The following SLC22A24 variants were observed in gnomAD, a reference collection of about 807,000 sequenced individuals.
SLC22A24 encodes steroid transmembrane transporter SLC22A24.
A neutral mutation model predicts 49.8 loss-of-function variants in SLC22A24; 53 were observed. That is an observed-to-expected ratio of 1.06 (90% CI 0.85 to 1.34). The LOEUF (loss-of-function observed/expected upper bound fraction) is 1.34, where lower values mean the gene tolerates loss of function less well. SLC22A24 is among the 40% of genes most tolerant of loss of function. The pLI, the probability that SLC22A24 is intolerant of heterozygous loss-of-function variation, is 0.00. For synonymous variants in SLC22A24, 302 were observed against 256.4 expected, an observed-to-expected ratio of 1.18 and a Z score of -1.70; for missense variants, 786 against 675.9, an observed-to-expected ratio of 1.16 and a Z score of -1.81.
chr11:63,115,319 G>A (rs1483481460), intron 4 of SLC22A24, among the ~76,000 whole-genome samples: 1 of 152,222 alleles, frequency 6.6e-6, no homozygotes, highest in East Asian at 1.9e-4. Flanking sequence ...GTCGATCTCA[G>A]ACTGCTGTGC....
chr11:63,102,854 A>C (rs4963361), intron 5 of SLC22A24, among the ~76,000 whole-genome samples: 34,526 of 151,956 alleles, frequency 0.23, 4,859 homozygotes, highest in East Asian at 0.36. Flanking sequence ...CTTGTACCTC[A>C]TGTCTCTCCC....
Position 63,081,538 on chromosome 11 carries a change from A to T in SLC22A24, c.1394+20T>A. 1 of 1,505,106 alleles carries T rather than the reference A, an allele frequency of 6.6e-7. No homozygotes were observed. The highest frequency in any genetic ancestry group is 9.1e-7 in the Non-Finnish European group (1 of 1,104,922). The allele number at this position is 1,505,106 out of a possible 1,614,324, so 93.2% of individuals were successfully genotyped here. On this transcript the variant is annotated intron_variant, in intron 8 of 9. Coordinates refer to ENST00000612278, the MANE Select transcript of SLC22A24 (RefSeq NM_001136506.2). ...TCAGAAATTTGTGTTTTGAAACCAG[A>T]TGGTCTTTAGCTCTTGTACCTCAAT...
intron 4 of SLC22A24, among the ~76,000 whole-genome samples, chr11:63,110,014 T>A (rs1270320257): frequency 7.2e-5 from 11 of 152,162 alleles, no homozygotes; most frequent in African/African-American, 2.4e-4. Context: ...CATCTTGAAT[T>A]GATTTTTGTA....
rs185441216 is a variant in SLC22A24, at chr11:63,134,685, T to C, written c.486A>G (p.Ile162Met). Reference protein sequence around the residue: ...FMAGSLLGGLIYGHLSDRVGR... With the variant: ...FMAGSLLGGLMYGHLSDRVGR... ...CTCACCTGTCTGAAAGATGGCCATA[T>C]ATTAGACCTCCCAGAAGTGACCCAG... Residue 162 changes from isoleucine (I) to methionine (M), a missense_variant, in exon 2 of 10, where the codon ATA becomes ATG. Ile to Met is a conservative substitution (Grantham distance 10). Coordinates refer to ENST00000612278, the MANE Select transcript of SLC22A24 (RefSeq NM_001136506.2). 128 of 1,550,548 alleles carry C rather than the reference T, an allele frequency of 8.3e-5. 1 individual carries two copies. The East Asian group carries it at 1.8e-3, about 22-fold the overall frequency.
intron 1 of SLC22A24, among the ~76,000 whole-genome samples, chr11:63,142,168 A>C (rs550378953): frequency 6.6e-5 from 10 of 152,322 alleles, no homozygotes; most frequent in Admixed American, 1.3e-4. Flanking sequence ...TTGGAAGCCC[A>C]TCCAGGCCTG....
chr11:63,110,205 A>G lies in SLC22A24; in HGVS notation c.831-5907T>C, dbSNP rs554142103. Among the ~76,000 whole-genome samples, 748 of 151,434 alleles carry G rather than the reference A, an allele frequency of 4.9e-3. 4 individuals are homozygous for G. Among genetic ancestry groups the G allele is most frequent in the African/African-American group, 0.017 (703 of 41,356 alleles). The stretch of plus-strand genomic sequence containing the variant: ...GGGCTCTGTTCTGTTCCATTGATCT[A>G]TATCTCTGTTTTGGTACCAGTACCA... On this transcript the variant is annotated intron_variant, in intron 4 of 9. Transcript: ENST00000612278.
chr11:63,123,446 TA>T (rs2134670576), intron 2 of SLC22A24, among the ~76,000 whole-genome samples: 1 of 152,282 alleles, frequency 6.6e-6, no homozygotes, highest in African/African-American at 2.4e-5. Flanking sequence ...ACTATGAAAA[TA>T]ATTATATGCT....
intron 1 of SLC22A24, among the ~76,000 whole-genome samples, chr11:63,141,204 C>T (rs2087413465): frequency 1.3e-5 from 2 of 152,132 alleles, no homozygotes; most frequent in African/African-American, 4.8e-5. Flanking sequence ...AAAAAACAAA[C>T]TTTAACATTA....
Position 63,081,098 on chromosome 11 carries a change from C to T in SLC22A24, c.1420G>A (p.Val474Met), listed in dbSNP as rs1188015970. The part of the protein sequence containing the change: ...LRSTVAGINA[V>M]SGRTGAALAP... ...AGTGCTGCCCCAGTCCTACCGGACA[C>T]TGCATTGATTCCTGCAACTGTTGAC... The change falls in exon 9 of 10, where the codon GTG becomes ATG. Residue 474 changes from valine (V) to methionine (M), a missense_variant. Val to Met is a conservative substitution (Grantham distance 21). Coordinates refer to ENST00000612278, the MANE Select transcript of SLC22A24 (RefSeq NM_001136506.2). 4 of 1,551,478 alleles carry T rather than the reference C, an allele frequency of 2.6e-6. No individual in the cohort carries two copies. The highest frequency in any genetic ancestry group is 3.9e-5 in the Admixed American group (2 of 50,982).
At chr11:63,128,988 C>T (rs966873862) in intron 2 of SLC22A24, among the ~76,000 whole-genome samples, 4 of 152,156 alleles carry the variant, frequency 2.6e-5, no homozygotes, top group African/African-American at 2.4e-5. Context: ...CAAATTAGAT[C>T]CCATTTGTCT....
chr11:63,111,920 T>C (rs904939916), intron 4 of SLC22A24, among the ~76,000 whole-genome samples: 167 of 152,096 alleles, frequency 1.1e-3, no homozygotes, highest in Admixed American at 3.5e-3. Context: ...CTTGCTTTTC[T>C]AGTTCTTTTA....
intron 5 of SLC22A24, among the ~76,000 whole-genome samples, chr11:63,100,647 G>A (rs1218796319): frequency 6.6e-6 from 1 of 152,074 alleles, no homozygotes; most frequent in Admixed American, 6.6e-5. Flanking sequence ...CATGTTACCT[G>A]GCTCTAAATT....
intron 2 of SLC22A24, among the ~76,000 whole-genome samples, chr11:63,130,505 G>A (rs2087326133): frequency 6.6e-6 from 1 of 152,094 alleles, no homozygotes; most frequent in Non-Finnish European, 1.5e-5. Flanking sequence ...AATTAGGGAG[G>A]ATTCTCTCTT....
At chr11:63,089,214 G>A (rs2087004382) in intron 6 of SLC22A24, among the ~76,000 whole-genome samples, 2 of 152,224 alleles carry the variant, frequency 1.3e-5, no homozygotes, top group South Asian at 4.1e-4. Flanking sequence ...CAGACTAAAA[G>A]TGGATCACTC....
intron 6 of SLC22A24, among the ~76,000 whole-genome samples, chr11:63,090,729 A>C (rs2087015467): frequency 6.6e-6 from 1 of 151,568 alleles, no homozygotes; most frequent in Non-Finnish European, 1.5e-5. Flanking sequence ...ATTTGAAACC[A>C]ATGAGAACAA....
At chr11:63,108,076 T>G (rs1257834104) in intron 4 of SLC22A24, among the ~76,000 whole-genome samples, 2 of 152,318 alleles carry the variant, frequency 1.3e-5, no homozygotes, top group East Asian at 3.9e-4. Context: ...GGGTTTGTTA[T>G]AAATAACTCT....
intron 2 of SLC22A24, among the ~76,000 whole-genome samples, chr11:63,121,886 A>G (rs543689550): frequency 1.3e-5 from 2 of 152,052 alleles, no homozygotes; most frequent in South Asian, 4.1e-4. Flanking sequence ...GAGAACATGC[A>G]GGATATCACA....
In SLC22A24 at chr11:63,079,980, A is replaced by G. The variant is rs2086949885; in HGVS notation, c.1619T>C (p.Ile540Thr). The change falls in exon 10 of 10, where the codon ATA (isoleucine) becomes ACA (threonine). Residue 540 changes from isoleucine (I) to threonine (T), a missense_variant. Coordinates refer to ENST00000612278, the MANE Select transcript of SLC22A24 (RefSeq NM_001136506.2). ...VENDRKDSRN[I>T]KQEDTCMKVT... ...TTTCATGCAAGTATCTTCCTGCTTT[A>G]TGTTTCTTGAATCTTTTCTGCTGAG... 1.3e-6 allele frequency: 2 copies of G among 1,545,080 alleles called. No homozygotes were observed. The highest frequency in any genetic ancestry group is 4.9e-5 in the East Asian group (2 of 40,856).
At chr11:63,080,735 G>T (rs957936451) in intron 9 of SLC22A24, among the ~76,000 whole-genome samples, 185 bp downstream of exon 9, 7 of 152,302 alleles carry the variant, frequency 4.6e-5, no homozygotes, top group South Asian at 2.1e-4. Context: ...GGCCTCAAGA[G>T]TCTGACTCCA....
Sources: allele counts gnomAD v4.1 joint callset (sites outside exome capture counted in the v4.1 genomes callset), GRCh38; gene constraint gnomAD v4.1.1; transcripts MANE v1.5; gene names NCBI Gene and HGNC (gene_info 2026-07-23, HGNC 2026-07-21).